The following GNAQ variants were observed in gnomAD, a reference collection of about 807,000 sequenced individuals.
GNAQ encodes the protein guanine nucleotide-binding protein G(q) subunit alpha.
GNAQ carries 8 observed loss-of-function variants against 43.9 expected under a neutral mutation model. That is an observed-to-expected ratio of 0.18 (90% CI 0.11 to 0.33). The LOEUF (loss-of-function observed/expected upper bound fraction) is 0.33, where lower values mean the gene tolerates loss of function less well. Ranked by LOEUF, GNAQ falls within the 10% of genes least tolerant of loss-of-function variation. GNAQ has a pLI of 1.00. For synonymous variants in GNAQ, 155 were observed against 170.7 expected (o/e 0.91, Z 0.71); for missense variants, 158 against 450.8 (o/e 0.35, Z 5.88).
At chr9:78,006,477 T>G (rs948988126) in intron 1 of GNAQ, among the ~76,000 whole-genome samples, 3 of 152,180 alleles carry the variant, frequency 2.0e-5, no homozygotes, top group African/African-American at 7.2e-5. Context: ...TACTGTTGCT[T>G]TCCCCACTGT....
At chr9:77,792,494 T>G (rs1405756789) in intron 5 of GNAQ, among the ~76,000 whole-genome samples, 1 of 152,108 alleles carries the variant, frequency 6.6e-6, no homozygotes, top group Admixed American at 6.5e-5. Flanking sequence ...TATAAAAATC[T>G]AGTCACTATT....
At chr9:77,731,504 T>C (rs1369874500) in intron 5 of GNAQ, among the ~76,000 whole-genome samples, 2 of 152,184 alleles carry the variant, frequency 1.3e-5, no homozygotes, top group African/African-American at 4.8e-5. Flanking sequence ...CCTGCGCTTC[T>C]AGCTCAGGGG....
chr9:77,862,564 C>A (rs570409101), intron 2 of GNAQ, among the ~76,000 whole-genome samples: 1 of 152,170 alleles, frequency 6.6e-6, no homozygotes, highest in Non-Finnish European at 1.5e-5. Context: ...TCCTAGGGTG[C>A]AAACAGCAGA....
intron 2 of GNAQ, among the ~76,000 whole-genome samples, chr9:77,915,374 C>G (rs1828882395): frequency 6.6e-6 from 1 of 152,116 alleles, no homozygotes; most frequent in Non-Finnish European, 1.5e-5. Flanking sequence ...ATTTCAATGA[C>G]TGTCACTCTG....
At chr9:77,949,701 G>T (rs1822953296) in intron 1 of GNAQ, among the ~76,000 whole-genome samples, 1 of 152,144 alleles carries the variant, frequency 6.6e-6, no homozygotes, top group African/African-American at 2.4e-5. Context: ...CTAACACCAG[G>T]TCTACCAGAG....
chr9:77,934,099 C>A (rs1011877410), intron 1 of GNAQ, among the ~76,000 whole-genome samples: 1 of 152,144 alleles, frequency 6.6e-6, no homozygotes, highest in Non-Finnish European at 1.5e-5. Context: ...ATCAAGAGAT[C>A]AGCTACAGGC....
At chr9:77,880,555 G>GTTTTTTTTT (rs55926441) in intron 2 of GNAQ, among the ~76,000 whole-genome samples, 3 of 141,490 alleles carry the variant, frequency 2.1e-5, no homozygotes, top group East Asian at 2.1e-4. Context: ...GATTTTTTCT[G>GTTTTTTTTT]TTTTTTTTTT....
intron 2 of GNAQ, among the ~76,000 whole-genome samples, chr9:77,850,395 C>T (rs1827655219): frequency 6.6e-6 from 1 of 152,168 alleles, no homozygotes; most frequent in South Asian, 2.1e-4. Flanking sequence ...TACACCTCCA[C>T]CTCTACTGCC....
intron 5 of GNAQ, among the ~76,000 whole-genome samples, chr9:77,767,869 A>C (rs947896624): frequency 6.6e-6 from 1 of 152,146 alleles, no homozygotes; most frequent in Non-Finnish European, 1.5e-5. Flanking sequence ...GAGTACCCTA[A>C]TATACTCTCC....
chr9:77,915,968 C>G (rs530681347), intron 2 of GNAQ, among the ~76,000 whole-genome samples: 1 of 152,172 alleles, frequency 6.6e-6, no homozygotes, highest in Non-Finnish European at 1.5e-5. Context: ...TATTGTTGAG[C>G]CTTCCCCTGT....
rs544911495 is a variant in GNAQ at position 77,718,967 on chromosome 9, G to A, written c.*2356C>T. 14 of 231,978 alleles carry A rather than the reference G, an allele frequency of 6.0e-5. No homozygotes were observed. The South Asian group carries it at 2.6e-3, about 42-fold the overall frequency. The allele number at this position is 231,978 out of a possible 1,614,324, so 14.4% of individuals were successfully genotyped here. On this transcript the variant is annotated 3_prime_UTR_variant, in exon 7 of 7. Coordinates refer to ENST00000286548, the MANE Select transcript of GNAQ (RefSeq NM_002072.5). ...CAAATGGCAAAAGTTCTACAAAGTT[G>A]GTTTCCATGTTTGTATAAAAGCTCC...
At chr9:77,787,994 G>A (rs987212895) in intron 5 of GNAQ, among the ~76,000 whole-genome samples, 14 of 152,152 alleles carry the variant, frequency 9.2e-5, no homozygotes, top group Admixed American at 2.6e-4. Flanking sequence ...TCATGCCACC[G>A]CACTCCAGCC....
intron 1 of GNAQ, among the ~76,000 whole-genome samples, chr9:78,012,454 G>T (rs938286917): frequency 6.6e-6 from 1 of 151,874 alleles, no homozygotes; most frequent in Non-Finnish European, 1.5e-5. Flanking sequence ...TAATCCACCC[G>T]CCTTGGCCTC....
chr9:77,763,138 AAAC>A (rs1183363984), intron 5 of GNAQ, among the ~76,000 whole-genome samples: 114 of 31,952 alleles, frequency 3.6e-3, no homozygotes, highest in Non-Finnish European at 8.8e-3. Flanking sequence ...ACAAACAAAC[AAAC>A]AAAAAAAAAA....
At chr9:77,768,114 C>T (rs1304048207) in intron 5 of GNAQ, among the ~76,000 whole-genome samples, 1 of 152,130 alleles carries the variant, frequency 6.6e-6, no homozygotes, top group Non-Finnish European at 1.5e-5. Flanking sequence ...AACTAAGGCG[C>T]TGAGAGCCTC....
intron 2 of GNAQ, among the ~76,000 whole-genome samples, chr9:77,876,278 G>C (rs984427139): frequency 3.9e-5 from 6 of 152,188 alleles, no homozygotes; most frequent in African/African-American, 1.4e-4. Flanking sequence ...ACAGGATGCA[G>C]AGCTCCTGTT....
At chr9:77,903,328 C>A (rs1828641875) in intron 2 of GNAQ, among the ~76,000 whole-genome samples, 2 of 152,188 alleles carry the variant, frequency 1.3e-5, no homozygotes, top group African/African-American at 4.8e-5. Flanking sequence ...GTGTTGGACG[C>A]TAGAGATGCC....
In GNAQ at chr9:77,889,410, CAAAAAAAAAAAAAAAAAAAA is replaced by C. The variant is rs58496646; in HGVS notation, c.321+32731_321+32750del. Among the ~76,000 whole-genome samples, 11 of 48,064 alleles carry C rather than the reference CAAAAAAAAAAAAAAAAAAAA, an allele frequency of 2.3e-4. No individual in the cohort carries two copies. In the South Asian group the frequency reaches 3.9e-3, roughly 17 times the overall value. The allele number at this position is 48,064 out of a possible 152,430, so 31.5% of individuals were successfully genotyped here. ...TGGGCGACAAAGCCAGACCCTGTCT[CAAAAAAAAAAAAAAAAAAAA>C]AAAAAAAAAAAAAAAAAATCCTTAA... On this transcript the variant is annotated intron_variant, in intron 2 of 6. Coordinates refer to ENST00000286548, the MANE Select transcript of GNAQ (RefSeq NM_002072.5).
chr9:77,927,235 T>G (rs1159838805), intron 1 of GNAQ, among the ~76,000 whole-genome samples: 1 of 152,204 alleles, frequency 6.6e-6, no homozygotes, highest in Non-Finnish European at 1.5e-5. Flanking sequence ...TTTTGCCTAT[T>G]TGCATGATAT....
Sources: allele counts gnomAD v4.1 joint callset (sites outside exome capture counted in the v4.1 genomes callset), GRCh38; gene constraint gnomAD v4.1.1; transcripts MANE v1.5; gene names NCBI Gene and HGNC (gene_info 2026-07-23, HGNC 2026-07-21).